Variants in ZC3H4 observed in about 807,000 individuals in gnomAD.
The protein encoded by ZC3H4 is zinc finger CCCH domain-containing protein 4.
In ZC3H4, 13 loss-of-function variants were observed where a neutral mutation model predicts 108.3. That is an observed-to-expected ratio of 0.12 (90% confidence interval 0.08 to 0.19). The LOEUF (loss-of-function observed/expected upper bound fraction) is 0.19. Among genes scored for constraint, ZC3H4 ranks in the 10% least tolerant of loss-of-function variants. The probability of loss-of-function intolerance (pLI) is 1.00; values close to 1 mark genes in which losing one functional copy is unlikely to be tolerated. For missense variants in ZC3H4, 1,734 were observed against 1,838.8 expected, an observed-to-expected ratio of 0.94 and a Z score of 1.04; for synonymous variants, 917 against 749.6, an observed-to-expected ratio of 1.22 and a Z score of -3.65.
intron 11 of ZC3H4, among the ~76,000 whole-genome samples, chr19:47,077,788 C>T (rs943177840): frequency 6.1e-5 from 9 of 147,752 alleles, no homozygotes; most frequent in African/African-American, 2.3e-4. Context: ...ACCTGGGAGG[C>T]GGAGGTCGTG....
At chr19:47,095,549 G>GT (rs996365193) in intron 2 of ZC3H4, among the ~76,000 whole-genome samples, 75 of 152,130 alleles carry the variant, frequency 4.9e-4, no homozygotes, top group African/African-American at 1.7e-3. Context: ...CAATTCCCCC[G>GT]TGTCACCCCA....
intron 5 of ZC3H4, among the ~76,000 whole-genome samples, chr19:47,088,238 G>C (rs186109467): frequency 6.6e-6 from 1 of 150,994 alleles, no homozygotes. Context: ...TTACTTGCGG[G>C]AGTAAGGCAC....
Position 47,069,107 on chromosome 19 carries a change from G to A in ZC3H4, c.2383C>T (p.Arg795Trp), listed in dbSNP as rs766820668. Residue 795 changes from arginine (R) to tryptophan (W), a missense_variant, in exon 14 of 15, where the codon CGG becomes TGG. By Grantham distance (101) the Arg-to-Trp change is moderately radical. Coordinates refer to ENST00000253048, the MANE Select transcript of ZC3H4 (RefSeq NM_015168.2). ...RRLAESSKQD[R>W]ENEEGDTGNW... ...GGACACGTGCCTTCCTCATTCTCCC[G>A]GTCCTGCTTGCTGCTCTCAGCCAGC... 2.5e-5 allele frequency: 40 copies of A among 1,603,612 alleles called. No homozygotes were observed. The Admixed American group carries it at 2.7e-4, about 11-fold the overall frequency.
chr19:47,096,943 C>G, intron 2 of ZC3H4: 2 of 985,424 alleles, frequency 2.0e-6, no homozygotes, highest in South Asian at 9.4e-5. Flanking sequence ...AGGCGACAGT[C>G]TTGCCCAGGG....
chr19:47,071,037 G>C (rs575277613), intron 13 of ZC3H4, among the ~76,000 whole-genome samples: 206 of 152,292 alleles, frequency 1.4e-3, no homozygotes, highest in African/African-American at 4.7e-3. Context: ...TCCTCACGTT[G>C]TGAGTGCCGC....
At chr19:47,097,472 CT>C (rs1373501918) in intron 2 of ZC3H4, among the ~76,000 whole-genome samples, 1 of 152,232 alleles carries the variant, frequency 6.6e-6, no homozygotes, top group African/African-American at 2.4e-5. Flanking sequence ...GGGGTCCCCC[CT>C]CACGACACCC....
chr19:47,084,491 A>G (rs773858848), intron 8 of ZC3H4, 36 bp from the exon 9 acceptor site: 2 of 1,606,332 alleles, frequency 1.2e-6, no homozygotes, highest in Admixed American at 1.7e-5. Flanking sequence ...AAGGGGAATG[A>G]AAGGGAAGGG....
At chr19:47,076,333 A>G (rs1014360174) in intron 11 of ZC3H4, among the ~76,000 whole-genome samples, 4 of 152,166 alleles carry the variant, frequency 2.6e-5, no homozygotes, top group African/African-American at 9.7e-5. Context: ...GCGCACACAC[A>G]CACACACACA....
Position 47,112,495 on chromosome 19 carries a change from A to G in ZC3H4, c.90T>C (p.Pro30=). 8.8e-7 allele frequency: 1 copy of G among 1,133,312 alleles called. No individual in the cohort carries two copies. The highest frequency in any genetic ancestry group is 1.1e-6 in the Non-Finnish European group (1 of 889,976). The allele number at this position is 1,133,312 out of a possible 1,614,324, so 70.2% of individuals were successfully genotyped here. ...SPPPPSTPSP[P]PCSPDARPAT... ...CCGGGCGGGCGTCGGGGGAACACGG[A>G]GGAGGCGAAGGCGTTGATGGCGGCG... The change falls in exon 2 of 15, where the codon CCT becomes CCC. Residue 30 remains proline, a synonymous_variant. Coordinates refer to ENST00000253048, the MANE Select transcript of ZC3H4 (RefSeq NM_015168.2).
At chr19:47,090,678 A>T (rs2057715935) in intron 4 of ZC3H4, among the ~76,000 whole-genome samples, 2 of 152,212 alleles carry the variant, frequency 1.3e-5, no homozygotes, top group South Asian at 4.1e-4. Flanking sequence ...ATAAAAACGG[A>T]AGCAACCAAG....
In ZC3H4 at chr19:47,105,635, C is replaced by T. The variant is rs572971158; in HGVS notation, c.161+6789G>A. On this transcript the variant is annotated intron_variant, in intron 2 of 14. Transcript: ENST00000253048. ...AACCAACAAAAAAACACTTTACCTA[C>T]AAAAACAGGCTGGGTGGGCTGGCTT... 4.6e-5 allele frequency among the ~76,000 whole-genome samples: 7 copies of T among 152,250 alleles called. No individual in the cohort carries two copies. The East Asian group carries it at 1.2e-3, about 25-fold the overall frequency.
Position 47,085,194 on chromosome 19 carries a change from C to A in ZC3H4, c.969G>T (p.Gly323=), listed in dbSNP as rs777975085. ...YRRSKDSRGR[G]LSRGRGRGSR... ...AGCCCCTGCCACGGCCTCGACTTAG[C>A]CCTGTGGAGGGGAGATTGTGTGAAG... is the stretch of plus-strand genomic sequence containing the variant. The change falls in exon 8 of 15, where the codon GGG becomes GGT. Residue 323 remains glycine (G), a splice_region_variant and synonymous_variant. Coordinates refer to ENST00000253048, the MANE Select transcript of ZC3H4 (RefSeq NM_015168.2). 4 of 1,611,132 alleles carry A rather than the reference C, an allele frequency of 2.5e-6. No individual in the cohort carries two copies. Among genetic ancestry groups the A allele is most frequent in the Non-Finnish European group, 3.4e-6 (4 of 1,178,058 alleles).
chr19:47,069,376 G>C, intron 13 of ZC3H4, 33 bp from the exon 14 acceptor site: 1 of 1,599,326 alleles, frequency 6.3e-7, no homozygotes, highest in East Asian at 2.3e-5. Flanking sequence ...GTTCATGTCG[G>C]GAAGGGCCTC....
At chr19:47,112,213 A>AG (rs1031997227) in intron 2 of ZC3H4, 109 of 1,166,530 alleles carry the variant, frequency 9.3e-5, no homozygotes, top group East Asian at 2.5e-4. Context: ...GAGCGCCGCG[A>AG]GGGGGGGGAA....
chr19:47,069,052 G>A (rs765527023), intron 14 of ZC3H4, 40 bp downstream of exon 14: 5 of 1,600,732 alleles, frequency 3.1e-6, no homozygotes, highest in South Asian at 1.1e-5. Flanking sequence ...CTGCACAGCG[G>A]CCTGGGGCCT....
chr19:47,100,543 C>A (rs948472476), intron 2 of ZC3H4, among the ~76,000 whole-genome samples: 1 of 151,816 alleles, frequency 6.6e-6, no homozygotes, highest in Admixed American at 6.6e-5. Flanking sequence ...CAACATAAGA[C>A]AGTCTACCCA....
intron 4 of ZC3H4, among the ~76,000 whole-genome samples, chr19:47,093,586 T>C (rs2057773482): frequency 6.6e-6 from 1 of 152,130 alleles, no homozygotes; most frequent in African/African-American, 2.4e-5. Context: ...GGCAACCCTG[T>C]TGAAATTTTC....
chr19:47,081,418 T>C, intron 11 of ZC3H4, 95 bp downstream of exon 11: 2 of 974,516 alleles, frequency 2.1e-6, no homozygotes, highest in Non-Finnish European at 3.3e-6. Flanking sequence ...AACTGGGCAC[T>C]GCAGAGGCTG....
chr19:47,095,320 G>A (rs963178209), intron 2 of ZC3H4, among the ~76,000 whole-genome samples: 3 of 152,194 alleles, frequency 2.0e-5, no homozygotes, highest in African/African-American at 7.2e-5. Context: ...GAGAACCGCT[G>A]GAAACAGGCT....
Sources: gnomAD v4.1 joint callset for allele counts (sites outside exome capture counted in the v4.1 genomes callset) on GRCh38, gnomAD v4.1.1 for gene constraint, MANE v1.5 for transcripts, NCBI Gene and HGNC (gene_info 2026-07-23, HGNC 2026-07-21) for gene names.